The following BCL11A variants were observed in gnomAD, a reference collection of about 807,000 sequenced individuals.
The protein encoded by BCL11A is B cell CLL/lymphoma 11A.
In BCL11A, 2 loss-of-function variants were observed where a neutral mutation model predicts 55.9. The observed-to-expected ratio is 0.04, with a 90% CI of 0.01 to 0.11. The LOEUF is 0.11. Among genes scored for constraint, BCL11A ranks in the 10% least tolerant of loss-of-function variants. The pLI, the probability that BCL11A is intolerant of heterozygous loss-of-function variation, is 1.00. For missense variants in BCL11A, 817 were observed against 1,137.1 expected (o/e 0.72, Z 4.05); for synonymous variants, 465 against 473.4 (o/e 0.98, Z 0.23).
At chr2:60,451,998 G>A (rs1052032263) in exon 5 of BCL11A, 4 of 227,148 alleles carry the variant, frequency 1.8e-5, no homozygotes, top group African/African-American at 6.7e-5. Context: ...TCTGATAAGC[G>A]GTAACCTAGT....
At chr2:60,471,132 G>A (rs967595505) in intron 2 of BCL11A, among the ~76,000 whole-genome samples, 2 of 152,190 alleles carry the variant, frequency 1.3e-5, no homozygotes, top group African/African-American at 4.8e-5. Context: ...TGGGGCTTTC[G>A]AAAGGTGCCA....
At chr2:60,481,783 T>A (rs1165636250) in intron 2 of BCL11A, among the ~76,000 whole-genome samples, 1 of 152,160 alleles carries the variant, frequency 6.6e-6, no homozygotes, top group Admixed American at 6.5e-5. Flanking sequence ...CCCTAGTACA[T>A]TCTGTGTGAT....
chr2:60,517,000 G>C (rs1045732272), intron 2 of BCL11A, among the ~76,000 whole-genome samples: 5 of 152,228 alleles, frequency 3.3e-5, no homozygotes, highest in Admixed American at 6.5e-5. Context: ...GCGGAGAATG[G>C]AATGAAGAAT....
chr2:60,550,243 G>A (rs1022558637), intron 1 of BCL11A, among the ~76,000 whole-genome samples: 1 of 152,124 alleles, frequency 6.6e-6, no homozygotes, highest in African/African-American at 2.4e-5. Flanking sequence ...CTCCGAGCCC[G>A]GCGCGCGCTG....
intron 2 of BCL11A, chr2:60,541,796 C>T: frequency 6.9e-6 from 4 of 581,020 alleles, no homozygotes; most frequent in South Asian, 2.2e-5. Context: ...AGAAGTCAGT[C>T]GTTTTTATTC....
chr2:60,541,897 C>T, intron 2 of BCL11A: 1 of 708,684 alleles, frequency 1.4e-6, no homozygotes, highest in Middle Eastern at 2.3e-4. Context: ...CCATAAGGTA[C>T]ACAAATACAT....
intron 2 of BCL11A, among the ~76,000 whole-genome samples, chr2:60,530,668 A>G (rs1439171507): frequency 6.8e-6 from 1 of 146,410 alleles, no homozygotes; most frequent in Non-Finnish European, 1.5e-5. Flanking sequence ...TACAGTCAGC[A>G]GGTATTTAAA....
downstream of BCL11A, chr2:60,452,698 A>C (rs778514336): frequency 2.0e-6 from 3 of 1,532,666 alleles, no homozygotes; most frequent in African/African-American, 4.1e-5. Context: ...AGGAGGGGGA[A>C]AAAAAAAGTA....
intron 2 of BCL11A, chr2:60,544,282 C>T (rs185992697): frequency 9.2e-5 from 14 of 152,358 alleles, no homozygotes; most frequent in Admixed American, 1.3e-4. Context: ...TCTCCGAAGA[C>T]GACAAATCCC....
At chr2:60,470,400 T>G (rs1677133575) in intron 2 of BCL11A, among the ~76,000 whole-genome samples, 1 of 152,246 alleles carries the variant, frequency 6.6e-6, no homozygotes, top group Non-Finnish European at 1.5e-5. Flanking sequence ...ATGAGAAATC[T>G]GAGAATCCAT....
At chr2:60,494,765 G>A (rs76033449) in intron 2 of BCL11A, among the ~76,000 whole-genome samples, 85 of 152,312 alleles carry the variant, frequency 5.6e-4, no homozygotes, top group East Asian at 2.1e-3. Flanking sequence ...TAAGTGCTCC[G>A]AGCTTGTGAA....
At chr2:60,548,345 T>TG (rs1278937506) in intron 1 of BCL11A, among the ~76,000 whole-genome samples, 7 of 151,924 alleles carry the variant, frequency 4.6e-5, no homozygotes, top group Non-Finnish European at 2.9e-5. Flanking sequence ...TTTTTTTTTT[T>TG]TGTTCCCAAG....
intron 1 of BCL11A, among the ~76,000 whole-genome samples, chr2:60,547,640 C>T (rs946200063): frequency 3.3e-5 from 5 of 152,100 alleles, no homozygotes; most frequent in African/African-American, 9.7e-5. Flanking sequence ...GCCAATTTTA[C>T]ATTTAATGAA....
Position 60,457,399 on chromosome 2 carries a change from G to C in BCL11A, c.*3005C>G. The stretch of plus-strand genomic sequence containing the variant: ...AAAATAAAAACAAAGAAAAATAAAA[G>C]ATCAAATTAAGTGCCTCTGTTTTGA... On this transcript the variant is annotated 3_prime_UTR_variant, in exon 4 of 4. Coordinates refer to ENST00000642384, the MANE Select transcript of BCL11A (RefSeq NM_022893.4). 6 of 1,025,676 alleles carry C rather than the reference G, an allele frequency of 5.8e-6. No homozygotes were observed. The highest frequency in any genetic ancestry group is 7.0e-6 in the Non-Finnish European group (6 of 851,750). The allele number at this position is 1,025,676 out of a possible 1,614,324, so 63.5% of individuals were successfully genotyped here.
intron 2 of BCL11A, among the ~76,000 whole-genome samples, chr2:60,538,739 C>CTGTGTGTGTGTG (rs777467539): frequency 1.5e-5 from 1 of 67,432 alleles, no homozygotes; most frequent in African/African-American, 4.3e-5. Flanking sequence ...CTCTCTCTCT[C>CTGTGTGTGTGTG]TGTGTGTGTG....
chr2:60,510,206 G>C (rs1679903346), intron 2 of BCL11A, among the ~76,000 whole-genome samples: 1 of 152,188 alleles, frequency 6.6e-6, no homozygotes, highest in African/African-American at 2.4e-5. Context: ...CACTCCTCCA[G>C]TGGCTTCCAT....
Position 60,502,108 on chromosome 2 carries a change from T to A in BCL11A, c.386-33275A>T, listed in dbSNP as rs557189166. On this transcript the variant is annotated intron_variant, in intron 2 of 3. Coordinates refer to ENST00000642384, the MANE Select transcript of BCL11A (RefSeq NM_022893.4). Reference sequence around the variant, plus strand: ...TGTACCACCAGAAGTCCTGGAAAACTGAGAGGTTTGCATGTTGTAACAATG... The same window carrying A: ...TGTACCACCAGAAGTCCTGGAAAACAGAGAGGTTTGCATGTTGTAACAATG... Among the ~76,000 whole-genome samples the A allele has an allele frequency of 3.3e-5, 5 of 152,250 alleles. No individual in the cohort carries two copies. The East Asian group carries it at 9.7e-4, about 29-fold the overall frequency.
intron 2 of BCL11A, among the ~76,000 whole-genome samples, chr2:60,481,860 T>C (rs775051943): frequency 1.3e-5 from 2 of 152,086 alleles, no homozygotes; most frequent in South Asian, 4.1e-4. Flanking sequence ...GGGAAGTGAA[T>C]TGGGAAAGTG....
At chr2:60,468,703 A>G in intron 3 of BCL11A, 29 bp downstream of exon 3, 1 of 1,534,820 alleles carries the variant, frequency 6.5e-7, no homozygotes, top group Non-Finnish European at 9.0e-7. Context: ...ACACATGGAC[A>G]TTTGTAGAAG....
Sources: gnomAD v4.1 joint callset for allele counts (sites outside exome capture counted in the v4.1 genomes callset) on GRCh38, gnomAD v4.1.1 for gene constraint, MANE v1.5 for transcripts, NCBI Gene and HGNC (gene_info 2026-07-23, HGNC 2026-07-21) for gene names.